DNAH7: variants seen among roughly 807,000 people sequenced by gnomAD.
DNAH7 encodes dynein axonemal heavy chain 7.
DNAH7 carries 397 observed loss-of-function variants against 444.6 expected under a neutral mutation model. That is an observed-to-expected ratio of 0.89 (90% CI 0.82 to 0.97). The LOEUF is 0.97. Among genes scored for constraint, DNAH7 ranks in the 50% least tolerant of loss-of-function variants. The pLI, the probability that DNAH7 is intolerant of heterozygous loss-of-function variation, is 0.00. For synonymous variants in DNAH7, 1,636 were observed against 1,624.4 expected (o/e 1.01, Z -0.17); for missense variants, 4,902 against 4,800.8 (o/e 1.02, Z -0.62).
At chr2:196,040,918 T>C (rs767341800) in intron 5 of DNAH7, among the ~76,000 whole-genome samples, 1 of 152,020 alleles carries the variant, frequency 6.6e-6, no homozygotes, top group African/African-American at 2.4e-5. Context: ...CATTTCAATA[T>C]ACCAATAGCA....
chr2:195,938,344 TCACACACACA>T (rs68056425), intron 19 of DNAH7, among the ~76,000 whole-genome samples: 35 of 134,176 alleles, frequency 2.6e-4, no homozygotes, highest in African/African-American at 4.0e-4. Context: ...AAATAGACAT[TCACACACACA>T]CACACACACA....
At chr2:195,919,231 T>G (rs988173983) in intron 24 of DNAH7, among the ~76,000 whole-genome samples, 37 of 136,040 alleles carry the variant, frequency 2.7e-4, no homozygotes, top group South Asian at 2.4e-3. Flanking sequence ...GAGCAAGACT[T>G]TGTTTAAAAA....
intron 17 of DNAH7, among the ~76,000 whole-genome samples, chr2:195,967,203 T>C (rs770822631): frequency 2.6e-5 from 4 of 152,210 alleles, no homozygotes; most frequent in Admixed American, 1.3e-4. Context: ...AAGACAATAC[T>C]GATTGCATAA....
chr2:195,748,118 A>G (rs948143592), intron 63 of DNAH7, among the ~76,000 whole-genome samples: 2 of 152,264 alleles, frequency 1.3e-5, no homozygotes, highest in African/African-American at 4.8e-5. Context: ...CCTTAAGCTG[A>G]TAAGCAACTT....
chr2:195,757,268 G>A (rs554282201), intron 61 of DNAH7, among the ~76,000 whole-genome samples: 1 of 152,256 alleles, frequency 6.6e-6, no homozygotes, highest in South Asian at 2.1e-4. Flanking sequence ...TTCTGAAAAG[G>A]ATGGTGATAA....
chr2:195,864,034 T>C, intron 41 of DNAH7, 115 bp downstream of exon 41: 2 of 944,146 alleles, frequency 2.1e-6, no homozygotes, highest in South Asian at 1.8e-5. Flanking sequence ...GATCAGAAGA[T>C]TCTGCTAAAC....
chr2:196,048,439 ATATC>A, intron 3 of DNAH7, 35 bp from the exon 4 acceptor site: 1 of 1,582,718 alleles, frequency 6.3e-7, no homozygotes, highest in Non-Finnish European at 8.6e-7. Flanking sequence ...TTAACAAACA[ATATC>A]AGAAAAAAAC....
intron 14 of DNAH7, among the ~76,000 whole-genome samples, chr2:195,986,634 C>T (rs1692930111): frequency 6.6e-6 from 1 of 152,058 alleles, no homozygotes; most frequent in Admixed American, 6.6e-5. Context: ...AAATGAATTT[C>T]CAGATAAAAG....
At chr2:195,961,822 A>T (rs1341256388) in intron 17 of DNAH7, among the ~76,000 whole-genome samples, 1 of 152,154 alleles carries the variant, frequency 6.6e-6, no homozygotes, top group African/African-American at 2.4e-5. Context: ...AAAGTATTAT[A>T]TTGCAAAATA....
intron 21 of DNAH7, 94 bp from the exon 22 acceptor site, chr2:195,926,660 A>C (rs1281671230): frequency 9.1e-7 from 1 of 1,103,410 alleles, no homozygotes; most frequent in Non-Finnish European, 1.2e-6. Context: ...ATACTGCTCA[A>C]TTTTTTACAA....
intron 19 of DNAH7, among the ~76,000 whole-genome samples, chr2:195,944,320 C>T (rs960465896): frequency 4.6e-5 from 7 of 152,104 alleles, no homozygotes; most frequent in Admixed American, 4.6e-4. Flanking sequence ...TTGAGACAGG[C>T]CATTACAGAA....
At position 195,900,494 on chromosome 2, in the gene DNAH7, C is replaced by A; in HGVS notation, c.4336G>T (p.Ala1446Ser). 6.2e-7 allele frequency: 1 copy of A among 1,613,254 alleles called. No homozygotes were observed. Residue 1446 changes from alanine (A) to serine (S), a missense_variant and splice_region_variant, in exon 28 of 65, where the codon GCT becomes TCT. Physicochemically the swap from Ala to Ser is moderately conservative, Grantham distance 99. Coordinates refer to ENST00000312428, the MANE Select transcript of DNAH7 (RefSeq NM_018897.3). ...GRSELPDNLKALFRTVAMMVP... is the reference protein window; with the variant it reads ...GRSELPDNLKSLFRTVAMMVP... ...ATCATTGCTACTGTCCGAAAGAGAG[C>A]CTATGGGTAGGTAGAAAGTTACTTT...
At chr2:195,985,279 G>A (rs1692830436) in intron 14 of DNAH7, among the ~76,000 whole-genome samples, 1 of 152,196 alleles carries the variant, frequency 6.6e-6, no homozygotes, top group Non-Finnish European at 1.5e-5. Flanking sequence ...AGTAAGATTG[G>A]CTGAAAGGTG....
intron 24 of DNAH7, among the ~76,000 whole-genome samples, chr2:195,914,922 A>G (rs563142765): frequency 1.2e-4 from 19 of 152,334 alleles, no homozygotes; most frequent in Middle Eastern, 3.4e-3. Flanking sequence ...TTGGTCTCCC[A>G]AAGTGCTGGG....
At chr2:196,061,961 G>A (rs554716159) in intron 1 of DNAH7, among the ~76,000 whole-genome samples, 2 of 152,228 alleles carry the variant, frequency 1.3e-5, no homozygotes, top group African/African-American at 4.8e-5. Flanking sequence ...AAATATACAT[G>A]TGACTAAATC....
chr2:195,772,040 T>C (rs1367730401), intron 60 of DNAH7, 150 bp from the exon 61 acceptor site: 5 of 695,922 alleles, frequency 7.2e-6, no homozygotes, highest in African/African-American at 1.8e-5. Context: ...ATTAAAGTGA[T>C]GGTAACAGGC....
At chr2:195,894,391 C>G (rs1266447718) in intron 30 of DNAH7, 1 of 152,086 alleles carries the variant, frequency 6.6e-6, no homozygotes. Flanking sequence ...CATCACAAAC[C>G]TCATATAGGA....
At chr2:195,740,650 TACACAC>T (rs566613840) in intron 64 of DNAH7, 110 bp downstream of exon 64, 8,797 of 72,034 alleles carry the variant, frequency 0.12, 361 homozygotes, top group Non-Finnish European at 0.17. Context: ...TATATACATA[TACACAC>T]ACACATATGT....
chr2:195,892,271 T>C (rs1012998649), intron 30 of DNAH7, among the ~76,000 whole-genome samples: 6 of 152,324 alleles, frequency 3.9e-5, no homozygotes, highest in African/African-American at 1.4e-4. Flanking sequence ...GAAAAAAGGC[T>C]TGGGGCTGAA....
Sources: gnomAD v4.1 joint callset for allele counts (sites outside exome capture counted in the v4.1 genomes callset) on GRCh38, gnomAD v4.1.1 for gene constraint, MANE v1.5 for transcripts, NCBI Gene and HGNC (gene_info 2026-07-23, HGNC 2026-07-21) for gene names.